Variants in RGS3 observed in about 807,000 individuals in gnomAD.
The protein encoded by RGS3 is regulator of G protein signaling 3.
In RGS3, 80 loss-of-function variants were observed where a neutral mutation model predicts 132.6. The ratio of observed to expected loss-of-function variants is 0.60; its 90% CI spans 0.50 to 0.73. The LOEUF is 0.73. Ranked by LOEUF, RGS3 falls within the 30% of genes least tolerant of loss-of-function variation. The pLI is 0.00. For missense variants in RGS3, 1,382 were observed against 1,530.8 expected, an observed-to-expected ratio of 0.90 and a Z score of 1.62; for synonymous variants, 598 against 620.6, an observed-to-expected ratio of 0.96 and a Z score of 0.54.
intron 19 of RGS3, among the ~76,000 whole-genome samples, chr9:113,558,284 T>A (rs1013560632): frequency 6.6e-6 from 1 of 152,088 alleles, no homozygotes; most frequent in African/African-American, 2.4e-5. Context: ...GGTGGATCAC[T>A]TGAGGTCAGG....
In RGS3 at chr9:113,591,382, G is replaced by A; in HGVS notation, c.3065G>A (p.Arg1022Lys). ...GATGATGACGAAGCCTCCCGGAAGA[G>A]AAAGAGCAAAAACCTGTACGTTGGG... Residue 1022 changes from arginine to lysine, a missense_variant, in exon 21 of 25, where the codon AGA becomes AAA. Transcript: ENST00000350696. This position sits in a 1 kb window ranked among gnomAD's most constrained non-coding sequence, Gnocchi z 4.4. The A allele has an allele frequency of 6.2e-7, 1 of 1,613,676 alleles. No homozygotes were observed. Among genetic ancestry groups the A allele is most frequent in the Non-Finnish European group, 8.5e-7 (1 of 1,179,954 alleles).
intron 19 of RGS3, among the ~76,000 whole-genome samples, chr9:113,559,801 C>T (rs1334687609): frequency 1.3e-5 from 2 of 152,296 alleles, no homozygotes; most frequent in East Asian, 1.9e-4. Context: ...TAGTACACGC[C>T]AGGCCCTCAT....
chr9:113,470,170 C>T (rs200961757), intron 3 of RGS3, among the ~76,000 whole-genome samples: 5 of 15,332 alleles, frequency 3.3e-4, no homozygotes. Context: ...CTTGGCCTCC[C>T]AAAGAGTCAA....
At chr9:113,580,657 A>T in intron 19 of RGS3, 2 of 280,360 alleles carry the variant, frequency 7.1e-6, no homozygotes, top group Non-Finnish European at 1.1e-5. Context: ...CATCTTGGTT[A>T]GTTTCTCGGC....
chr9:113,597,032 G>A lies in RGS3; in HGVS notation c.*79G>A, dbSNP rs1835822821. 6.2e-5 allele frequency: 79 copies of A among 1,284,172 alleles called. 3 individuals carry two copies. In the South Asian group the frequency reaches 1.1e-3, roughly 17 times the overall value. 79.5% of individuals were successfully genotyped at this position (1,284,172 alleles called of 1,614,324 possible). On this transcript the variant is annotated 3_prime_UTR_variant, in exon 25 of 25. Transcript: ENST00000350696. ...CACCTGCCTCCCTGCCCCCTGTGAC[G>A]GAGGGGGCAAGCAAGCCCCCAGAGG...
chr9:113,587,042 C>T (rs1223998556), intron 20 of RGS3, among the ~76,000 whole-genome samples: 1 of 152,194 alleles, frequency 6.6e-6, no homozygotes, highest in East Asian at 1.9e-4. Flanking sequence ...CCCCATTTCT[C>T]ACCTTCCTGA....
At chr9:113,483,172 G>T in intron 5 of RGS3, 55 bp downstream of exon 3, 1 of 1,306,058 alleles carries the variant, frequency 7.7e-7, no homozygotes. Flanking sequence ...ATGTTACTGG[G>T]CTCAGTCCCA....
At chr9:113,487,100 C>CTTTTTTTT (rs60523804) in intron 7 of RGS3, among the ~76,000 whole-genome samples, 1 of 116,968 alleles carries the variant, frequency 8.5e-6, no homozygotes, top group Admixed American at 8.9e-5. Context: ...TCATTTAATT[C>CTTTTTTTT]TTTTTTTTTT....
At chr9:113,541,554 G>A in intron 19 of RGS3, 1 of 1,473,684 alleles carries the variant, frequency 6.8e-7, no homozygotes, top group South Asian at 1.4e-5. Context: ...AGGGTCATCT[G>A]AAGGGAGTGG....
intron 3 of RGS3, among the ~76,000 whole-genome samples, chr9:113,469,221 T>C (rs1829747239): frequency 6.6e-6 from 1 of 152,022 alleles, no homozygotes; most frequent in Admixed American, 6.6e-5. Context: ...TGTTGGGCAG[T>C]GCACGGTCAG....
chr9:113,578,039 A>G (rs1362535452), intron 19 of RGS3, among the ~76,000 whole-genome samples: 1 of 152,236 alleles, frequency 6.6e-6, no homozygotes, highest in Non-Finnish European at 1.5e-5. Context: ...AACTCAGGAA[A>G]GCGGTCAGGG....
chr9:113,536,971 GC>G, intron 19 of RGS3, 53 bp downstream of exon 17: 1 of 1,568,090 alleles, frequency 6.4e-7, no homozygotes, highest in Admixed American at 1.7e-5. Context: ...CCCTCAGCCA[GC>G]CTAGACCCTT....
At chr9:113,574,864 T>G (rs1834440492) in intron 19 of RGS3, among the ~76,000 whole-genome samples, 1 of 152,194 alleles carries the variant, frequency 6.6e-6, no homozygotes, top group Non-Finnish European at 1.5e-5. Flanking sequence ...GGAGTTCCCC[T>G]TCTCACAAGG....
At chr9:113,478,480 C>G (rs565498536) in intron 3 of RGS3, among the ~76,000 whole-genome samples, 3 of 152,158 alleles carry the variant, frequency 2.0e-5, no homozygotes, top group African/African-American at 7.2e-5. Flanking sequence ...AGATACATAC[C>G]CTATGTATTG....
chr9:113,501,579 G>T (rs776240953), intron 10 of RGS3: 1 of 1,553,556 alleles, frequency 6.4e-7, no homozygotes, highest in Non-Finnish European at 8.7e-7. Context: ...CCGCAGCCAT[G>T]AACCGCTTCA....
At position 113,535,868 on chromosome 9, in the gene RGS3, C is replaced by T. The variant is rs764536440; in HGVS notation, c.1915-928C>T. Among the ~76,000 whole-genome samples the T allele has an allele frequency of 4.7e-4, 71 of 152,252 alleles. 1 individual carries two copies. Among genetic ancestry groups the T allele is most frequent in the Middle Eastern group, 6.8e-3 (2 of 294 alleles). On this transcript the variant is annotated intron_variant, in intron 18 of 24. Coordinates refer to ENST00000350696, the Ensembl canonical transcript of RGS3. ...AGAGTACCCGGTTGTGGGTGGCAAC[C>T]CTGGGCATGTACCACCATCCCTACC... is the stretch of plus-strand genomic sequence containing the variant.
exon 25 of RGS3, chr9:113,596,971 C>T (rs1588313389): frequency 2.5e-6 from 4 of 1,582,672 alleles, no homozygotes; most frequent in Non-Finnish European, 3.4e-6. Flanking sequence ...TGGAGTCGAG[C>T]TCAGCGTTCA....
exon 20 of RGS3, chr9:113,584,206 C>T (rs751596314): frequency 8.1e-6 from 13 of 1,614,066 alleles, no homozygotes; most frequent in South Asian, 1.1e-5. Context: ...CCTCTCACTG[C>T]GTGTGCAGAA....
intron 14 of RGS3, among the ~76,000 whole-genome samples, chr9:113,511,889 T>G (rs1206449692): frequency 2.0e-5 from 3 of 152,026 alleles, no homozygotes; most frequent in Non-Finnish European, 4.4e-5. Context: ...AGGCTGGCCA[T>G]GGGGTTTCAT....
Sources: allele counts gnomAD v4.1 joint callset (sites outside exome capture counted in the v4.1 genomes callset), GRCh38; gene constraint gnomAD v4.1.1; non-coding constraint Gnocchi (gnomAD v3.1); transcripts MANE v1.5; gene names NCBI Gene and HGNC (gene_info 2026-07-23, HGNC 2026-07-21).